The following SMG7 variants were observed in gnomAD, a reference collection of about 807,000 sequenced individuals.
SMG7 encodes the protein nonsense-mediated mRNA decay factor SMG7.
A neutral mutation model predicts 148.2 loss-of-function variants in SMG7; 34 were observed. The ratio of observed to expected loss-of-function variants is 0.23; its 90% CI spans 0.17 to 0.31. The LOEUF is 0.31. Ranked by LOEUF, SMG7 falls within the 10% of genes least tolerant of loss-of-function variation. The pLI, the probability that SMG7 is intolerant of heterozygous loss-of-function variation, is 1.00. For synonymous variants in SMG7, 492 were observed against 515.1 expected, an observed-to-expected ratio of 0.96 and a Z score of 0.61; for missense variants, 1,114 against 1,408.4, an observed-to-expected ratio of 0.79 and a Z score of 3.35.
At chr1:183,498,145 G>C (rs534967579) in intron 1 of SMG7, among the ~76,000 whole-genome samples, 1 of 152,136 alleles carries the variant, frequency 6.6e-6, no homozygotes, top group Non-Finnish European at 1.5e-5. Flanking sequence ...TAATTAACTT[G>C]TCCATCTTTC....
At chr1:183,497,801 C>T (rs1406032984) in intron 1 of SMG7, among the ~76,000 whole-genome samples, 1 of 152,060 alleles carries the variant, frequency 6.6e-6, no homozygotes, top group Non-Finnish European at 1.5e-5. Context: ...GAACTCCTGA[C>T]CTCATGATCC....
At chr1:183,537,866 A>T (rs1339413840) in intron 11 of SMG7, among the ~76,000 whole-genome samples, 1 of 152,196 alleles carries the variant, frequency 6.6e-6, no homozygotes, top group Non-Finnish European at 1.5e-5. Flanking sequence ...TGCTGCACTG[A>T]ACAACCTCTG....
intron 1 of SMG7, among the ~76,000 whole-genome samples, chr1:183,478,696 G>A (rs1260281200): frequency 6.6e-6 from 1 of 152,128 alleles, no homozygotes; most frequent in African/African-American, 2.4e-5. Context: ...CTTTAAAAGG[G>A]CTGGTGTGTT....
intron 1 of SMG7, among the ~76,000 whole-genome samples, chr1:183,488,400 AGG>A (rs1385783448): frequency 1.3e-5 from 2 of 152,182 alleles, no homozygotes; most frequent in Non-Finnish European, 2.9e-5. Context: ...TAGTTGATAG[AGG>A]AAGGTGGGAA....
rs1663080956 is a variant in SMG7, at chr1:183,514,768, C to T, written c.62-1106C>T. On this transcript the variant is annotated intron_variant, in intron 2 of 22. Transcript: ENST00000688051. ...CATAAGTGAATTAAAGCAGGGTTGA[C>T]TAAATCTATTAGTTAGTGATTAACA... Among the ~76,000 whole-genome samples, 3 of 152,162 alleles carry T rather than the reference C, an allele frequency of 2.0e-5. 1 individual carries two copies. The highest frequency in any genetic ancestry group is 1.3e-4 in the Admixed American group (2 of 15,278).
At chr1:183,517,285 C>CCCCA (rs1392767856) in intron 3 of SMG7, among the ~76,000 whole-genome samples, 1 of 152,152 alleles carries the variant, frequency 6.6e-6, no homozygotes, top group Admixed American at 6.5e-5. Flanking sequence ...AAATCCCTGC[C>CCCCA]CCCATATACA....
intron 14 of SMG7, 115 bp downstream of exon 14, chr1:183,542,617 T>C: frequency 1.3e-6 from 1 of 766,660 alleles, no homozygotes; most frequent in Non-Finnish European, 2.1e-6. Context: ...AAATGCATTA[T>C]TTAATTGCAT....
Position 183,515,938 on chromosome 1 carries a change from A to T in SMG7, c.126A>T (p.Lys42Asn). 4 of 1,613,706 alleles carry T rather than the reference A, an allele frequency of 2.5e-6. No homozygotes were observed. Among genetic ancestry groups the T allele is most frequent in the Non-Finnish European group, 3.4e-6 (4 of 1,179,718 alleles). ...AGGCTCTGCAGGACCTGTACCAGAA[A>T]ATGCTAGTTACCGATTTGGAATACG... The part of the protein sequence containing the change: ...SRQALQDLYQ[K>N]MLVTDLEYAL... Residue 42 changes from lysine to asparagine, a missense_variant, in exon 3 of 23, where the codon AAA becomes AAT. Physicochemically the swap from Lys to Asn is moderately conservative, Grantham distance 94. This residue lies in a region of SMG7 where 216 missense variants were observed against 329.1 expected (regional missense o/e 0.66). Transcript: ENST00000688051.
At position 183,515,998 on chromosome 1, in the gene SMG7, A is replaced by G. The variant is rs1211640525; in HGVS notation, c.179+7A>G. ...AGAAAGTAGAACAGGATCTGTAAGT[A>G]TTACCTATCATTTGAGAAGTCCCTG... On this transcript the variant is annotated splice_region_variant and intron_variant, in intron 3 of 22. Coordinates refer to ENST00000688051, the MANE Select transcript of SMG7 (RefSeq NM_001375584.1). The G allele has an allele frequency of 2.0e-6, 3 of 1,505,628 alleles. No homozygotes were observed. In the South Asian group the frequency reaches 3.4e-5, roughly 17 times the overall value. The allele number at this position is 1,505,628 out of a possible 1,614,324, so 93.3% of individuals were successfully genotyped here.
At chr1:183,476,981 G>T (rs1652360065) in intron 1 of SMG7, among the ~76,000 whole-genome samples, 1 of 151,972 alleles carries the variant, frequency 6.6e-6, no homozygotes, top group Admixed American at 6.6e-5. Flanking sequence ...CGCAGGTGAG[G>T]TATAATATTA....
intron 2 of SMG7, among the ~76,000 whole-genome samples, chr1:183,514,629 C>T (rs542921832): frequency 6.6e-6 from 1 of 152,316 alleles, no homozygotes; most frequent in Non-Finnish European, 1.5e-5. Flanking sequence ...TAGGGTTTGA[C>T]CTTTATAGGG....
intron 3 of SMG7, among the ~76,000 whole-genome samples, chr1:183,516,718 A>G (rs1177492712): frequency 6.6e-6 from 1 of 152,228 alleles, no homozygotes; most frequent in Non-Finnish European, 1.5e-5. Flanking sequence ...TGCCTTAGAT[A>G]CTTTATATTT....
At chr1:183,538,720 A>G (rs1668235429) in intron 12 of SMG7, among the ~76,000 whole-genome samples, 2 of 152,234 alleles carry the variant, frequency 1.3e-5, no homozygotes, top group African/African-American at 2.4e-5. Context: ...TCCTCTCTGC[A>G]TTGTATTTCC....
intron 16 of SMG7, 93 bp from the exon 17 acceptor site, chr1:183,545,873 A>G (rs1320021597): frequency 9.7e-6 from 14 of 1,448,890 alleles, no homozygotes; most frequent in Non-Finnish European, 1.2e-5. Flanking sequence ...GTTGGTTGGA[A>G]AACACCCCAA....
intron 1 of SMG7, among the ~76,000 whole-genome samples, chr1:183,479,273 T>C (rs920628007): frequency 2.0e-5 from 3 of 152,166 alleles, no homozygotes; most frequent in Non-Finnish European, 2.9e-5. Context: ...TTGGCACTTA[T>C]TGACGACTTG....
At chr1:183,483,133 C>G (rs1654580234) in intron 1 of SMG7, among the ~76,000 whole-genome samples, 1 of 152,152 alleles carries the variant, frequency 6.6e-6, no homozygotes, top group African/African-American at 2.4e-5. Context: ...TTCTGAAAGT[C>G]TGTTATAACT....
chr1:183,501,816 T>G (rs1659794413), intron 1 of SMG7, among the ~76,000 whole-genome samples: 1 of 152,240 alleles, frequency 6.6e-6, no homozygotes, highest in African/African-American at 2.4e-5. Context: ...TCAACTGATC[T>G]TAGCATTATT....
In SMG7 at chr1:183,542,238, G is replaced by A; in HGVS notation, c.1578G>A (p.Val526=). The A allele has an allele frequency of 6.2e-7, 1 of 1,614,084 alleles. No homozygotes were observed. ...ATGGGAGCCCAGGGCTAAAATCAGT[G>A]CTATCTACAAGCCGAAATTTAAGCA... is the stretch of plus-strand genomic sequence containing the variant. ...AADGSPGLKS[V]LSTSRNLSNN... is the part of the protein sequence containing the mutation. Residue 526 remains valine, a synonymous_variant, in exon 14 of 23, where the codon GTG becomes GTA. Transcript: ENST00000688051.
chr1:183,503,344 GTCTT>G (rs1660162529), intron 1 of SMG7, among the ~76,000 whole-genome samples: 1 of 152,096 alleles, frequency 6.6e-6, no homozygotes, highest in Non-Finnish European at 1.5e-5. Context: ...ATTTATAATT[GTCTT>G]GATATATCAG....
Sources: allele counts gnomAD v4.1 joint callset (sites outside exome capture counted in the v4.1 genomes callset), GRCh38; gene constraint gnomAD v4.1.1; regional missense constraint gnomAD v4.1.1; transcripts MANE v1.5; gene names NCBI Gene and HGNC (gene_info 2026-07-23, HGNC 2026-07-21).